Variants in KRT79 observed in about 807,000 individuals in gnomAD.
KRT79 encodes keratin 79.
KRT79 carries 51 observed loss-of-function variants against 49.0 expected under a neutral mutation model. The ratio of observed to expected loss-of-function variants is 1.04; its 90% confidence interval spans 0.83 to 1.31. The LOEUF (loss-of-function observed/expected upper bound fraction) is 1.31, where lower values mean the gene tolerates loss of function less well. Among genes scored for constraint, KRT79 ranks in the 40% most tolerant of loss-of-function variants. The pLI, the probability that KRT79 is intolerant of heterozygous loss-of-function variation, is 0.00. For missense variants in KRT79, 728 were observed against 688.0 expected (o/e 1.06, Z -0.65); for synonymous variants, 312 against 286.6 (o/e 1.09, Z -0.90).
chr12:52,829,661 G>A (rs1360084195), intron 4 of KRT79, among the ~76,000 whole-genome samples: 1 of 152,208 alleles, frequency 6.6e-6, no homozygotes, highest in East Asian at 1.9e-4. Context: ...AGCACTTTGG[G>A]AGGCCAAGGC....
At position 52,821,613 on chromosome 12, in the gene KRT79, C is replaced by CGCAGGATCATT; in HGVS notation, c.*258_*259insAATGATCCTGC. On this transcript the variant is annotated 3_prime_UTR_variant, in exon 9 of 9. Transcript: ENST00000330553. ...AGAAATTCAGCCTCCTCTCGGTGGT[C>CGCAGGATCATT]AAAAGGTCACCCCCAAGTCACCCAA... is the stretch of plus-strand genomic sequence containing the variant. The CGCAGGATCATT allele has an allele frequency of 3.6e-5, 18 of 494,320 alleles. No homozygotes were observed. The highest frequency in any genetic ancestry group is 1.4e-4 in the South Asian group (6 of 43,482). The allele number at this position is 494,320 out of a possible 1,614,324, so 30.6% of individuals were successfully genotyped here.
intron 4 of KRT79, 146 bp downstream of exon 4, chr12:52,829,877 C>T (rs7970710): frequency 0.37 from 251,055 of 685,634 alleles, 47,696 homozygotes; most frequent in Non-Finnish European, 0.4. Context: ...GGTAACACAG[C>T]GAAACTCCGT....
intron 2 of KRT79, 86 bp from the exon 3 acceptor site, chr12:52,830,378 T>C: frequency 1.8e-6 from 2 of 1,123,174 alleles, no homozygotes; most frequent in Non-Finnish European, 2.7e-6. Context: ...GAAGCCCTGA[T>C]GGGTCCCTCA....
chr12:52,821,660 C>CT lies in KRT79; in HGVS notation c.*211dup. The stretch of plus-strand genomic sequence containing the variant: ...CCAAGCACATCACTCAAGCTGGCAA[C>CT]TTTAACCTTCCCTCCCATCCTACTG... On this transcript the variant is annotated 3_prime_UTR_variant, in exon 9 of 9. Coordinates refer to ENST00000330553, the MANE Select transcript of KRT79 (RefSeq NM_175834.3). 1 of 583,764 alleles carries CT rather than the reference C, an allele frequency of 1.7e-6. No homozygotes were observed. Among genetic ancestry groups the CT allele is most frequent in the Non-Finnish European group, 3.0e-6 (1 of 327,966 alleles). The allele number at this position is 583,764 out of a possible 1,614,324, so 36.2% of individuals were successfully genotyped here. A position where few individuals can be genotyped will look rare whatever the true frequency, so the allele number is the denominator to read the frequency against.
At chr12:52,829,678 A>C (rs1047035309) in intron 4 of KRT79, among the ~76,000 whole-genome samples, 2 of 152,218 alleles carry the variant, frequency 1.3e-5, no homozygotes, top group East Asian at 1.9e-4. Flanking sequence ...AGGCGGGTGG[A>C]TCACCTGAGG....
At position 52,823,228 on chromosome 12, in the gene KRT79, C is replaced by G. The variant is rs773329073; in HGVS notation, c.1155G>C (p.Gln385His). 1.2e-6 allele frequency: 2 copies of G among 1,614,082 alleles called. No homozygotes were observed. Among genetic ancestry groups the G allele is most frequent in the Admixed American group, 3.3e-5 (2 of 60,012 alleles). Residue 385 changes from glutamine to histidine, a missense_variant, in exon 7 of 9, where the codon CAG (glutamine) becomes CAC (histidine). By Grantham distance (24) the Gln-to-His change is conservative. Transcript: ENST00000330553. ...CCGCTTCCGCAATGGCCGTCTGCAGCTGCTGACACTGCCCAGGGGAGAAAG... is the reference window on the plus strand; with the variant it reads ...CCGCTTCCGCAATGGCCGTCTGCAGGTGCTGACACTGCCCAGGGGAGAAAG... ...EADAAKKQCQQLQTAIAEAEQ... is the reference protein window; with the variant it reads ...EADAAKKQCQHLQTAIAEAEQ...
chr12:52,833,964 C>G lies in KRT79; in HGVS notation c.297G>C (p.Gly99=). ...GFGSRAFMGQ[G]AGRQTFGPAC... is the part of the protein sequence containing the mutation. ...CAGGCCCAAACGTCTGCCTGCCAGC[C>G]CCCTGTCCCATAAATGCCCTGCTGC... Residue 99 remains glycine, a synonymous_variant, in exon 1 of 9, where the codon GGG becomes GGC. Coordinates refer to ENST00000330553, the MANE Select transcript of KRT79 (RefSeq NM_175834.3). The G allele has an allele frequency of 1.2e-6, 2 of 1,613,278 alleles. No homozygotes were observed. Among genetic ancestry groups the G allele is most frequent in the Non-Finnish European group, 1.7e-6 (2 of 1,179,510 alleles).
Position 52,823,105 on chromosome 12 carries a change from C to A in KRT79, c.1278G>T (p.Leu426=), listed in dbSNP as rs767441693. 4 of 1,614,198 alleles carry A rather than the reference C, an allele frequency of 2.5e-6. No individual in the cohort carries two copies. Among genetic ancestry groups the A allele is most frequent in the Non-Finnish European group, 3.4e-6 (4 of 1,180,028 alleles). ...HQAKEDLTRL[L]RDYQELMNVK... ...CATTCATCAGCTCCTGGTAGTCACGCAGCAGCCGTGTCAGGTCCTCCTTGG... is the reference window on the plus strand; with the variant it reads ...CATTCATCAGCTCCTGGTAGTCACGAAGCAGCCGTGTCAGGTCCTCCTTGG... The change falls in exon 7 of 9, where the codon CTG becomes CTT. Residue 426 remains leucine (L), a synonymous_variant. Transcript: ENST00000330553.
chr12:52,833,315 C>T (rs982219251), intron 1 of KRT79, among the ~76,000 whole-genome samples: 3 of 152,230 alleles, frequency 2.0e-5, no homozygotes, highest in African/African-American at 7.2e-5. Flanking sequence ...AAGCCTCCTC[C>T]AAGCCTGAAA....
Position 52,830,251 on chromosome 12 carries a change from T to C in KRT79, c.740A>G (p.Glu247Gly), listed in dbSNP as rs543818465. ...EINKHTAAEN[E>G]FVVLKKDVDA... ...GCTCACCTTCTTGAGCACCACAAACTCGTTCTCTGCAGCAGTGTGCTTGTT... is the reference window on the plus strand; with the variant it reads ...GCTCACCTTCTTGAGCACCACAAACCCGTTCTCTGCAGCAGTGTGCTTGTT... Residue 247 changes from glutamate (E) to glycine (G), a missense_variant, in exon 3 of 9, where the codon GAG becomes GGG. Coordinates refer to ENST00000330553, the MANE Select transcript of KRT79 (RefSeq NM_175834.3). 4.3e-5 allele frequency: 70 copies of C among 1,614,068 alleles called. 2 individuals carry two copies. The South Asian group carries it at 7.7e-4, about 18-fold the overall frequency.
At chr12:52,830,566 G>A in intron 2 of KRT79, 2 of 436,554 alleles carry the variant, frequency 4.6e-6, no homozygotes, top group South Asian at 6.0e-5. Context: ...AAGCCCTTAG[G>A]AGGCTTTAGA....
chr12:52,824,595 A>G (rs909516602), intron 4 of KRT79, among the ~76,000 whole-genome samples: 2 of 152,202 alleles, frequency 1.3e-5, no homozygotes, highest in African/African-American at 4.8e-5. Flanking sequence ...CAGGCTTCCA[A>G]AAGATTAGAG....
chr12:52,822,856 T>G (rs905970021), intron 7 of KRT79, among the ~76,000 whole-genome samples, 160 bp downstream of exon 7: 2 of 149,786 alleles, frequency 1.3e-5, no homozygotes, highest in Non-Finnish European at 3.0e-5. Context: ...AGGAGAGGAG[T>G]GATGGAGGCA....
chr12:52,822,507 A>C lies in KRT79; in HGVS notation c.1368-128T>G, dbSNP rs552063646. 16 of 691,020 alleles carry C rather than the reference A, an allele frequency of 2.3e-5. No individual in the cohort carries two copies. The African/African-American group carries it at 2.7e-4, about 12-fold the overall frequency. The allele number at this position is 691,020 out of a possible 1,614,324, so 42.8% of individuals were successfully genotyped here. On this transcript the variant is annotated intron_variant, in intron 7 of 8. Transcript: ENST00000330553. Reference sequence around the variant, plus strand: ...CCTGATGACAAGACCAGGAAACATGAGAAGTATGTGTATAGGGCTGTGCCC... The same window carrying C: ...CCTGATGACAAGACCAGGAAACATGCGAAGTATGTGTATAGGGCTGTGCCC...
chr12:52,821,771 C>T lies in KRT79; in HGVS notation c.*101G>A. The T allele has an allele frequency of 9.6e-7, 1 of 1,044,104 alleles. No homozygotes were observed. The highest frequency in any genetic ancestry group is 1.4e-6 in the Non-Finnish European group (1 of 697,072). 64.7% of individuals were successfully genotyped at this position (1,044,104 alleles called of 1,614,324 possible). A position where few individuals can be genotyped will look rare whatever the true frequency, so the allele number is the denominator to read the frequency against. ...ATGAAAATACCCTGGGTCTGAGGTC[C>T]CCTGGCTGTTCCTGCTCCTGAGAAG... On this transcript the variant is annotated 3_prime_UTR_variant, in exon 9 of 9. Coordinates refer to ENST00000330553, the MANE Select transcript of KRT79 (RefSeq NM_175834.3).
At position 52,834,093 on chromosome 12, in the gene KRT79, G is replaced by T. The variant is rs1474705246; in HGVS notation, c.168C>A (p.Gly56=). The T allele has an allele frequency of 1.2e-6, 2 of 1,613,106 alleles. No individual in the cohort carries two copies. The highest frequency in any genetic ancestry group is 1.7e-6 in the Non-Finnish European group (2 of 1,179,874). ...GGAHCGPGTG[G]FGSRSLYNLG... ...AGTTATAGAGGCTTCGGCTGCCAAA[G>T]CCACCTGTGCCGGGGCCACAGTGGG... is the stretch of plus-strand genomic sequence containing the variant. Residue 56 remains glycine (G), a synonymous_variant, in exon 1 of 9, where the codon GGC becomes GGA. Coordinates refer to ENST00000330553, the MANE Select transcript of KRT79 (RefSeq NM_175834.3).
At chr12:52,831,966 T>C (rs1158082422) in intron 1 of KRT79, among the ~76,000 whole-genome samples, 1 of 152,218 alleles carries the variant, frequency 6.6e-6, no homozygotes, top group African/African-American at 2.4e-5. Context: ...TTCTGACCCC[T>C]AATTCTGCAT....
rs201607310 is a variant in KRT79, at chr12:52,822,059, G to A, written c.1421C>T (p.Thr474Ile). 4.3e-6 allele frequency: 7 copies of A among 1,614,094 alleles called. No individual in the cohort carries two copies. The highest frequency in any genetic ancestry group is 1.1e-5 in the South Asian group (1 of 91,084). ...AVSISVTGNSTTVCGGGAASF... is the reference protein window; with the variant it reads ...AVSISVTGNSITVCGGGAASF... ...GGCTGCGCCACCTCCGCACACAGTG[G>A]TGGAGTTGCCAGTCACAGCTGCAAA... is the stretch of plus-strand genomic sequence containing the variant. The change falls in exon 9 of 9, where the codon ACC (threonine) becomes ATC (isoleucine). Residue 474 changes from threonine to isoleucine, a missense_variant. By Grantham distance (89) the Thr-to-Ile change is moderately conservative. Transcript: ENST00000330553.
At chr12:52,830,963 A>T (rs1242459841) in intron 2 of KRT79, among the ~76,000 whole-genome samples, 2 of 152,206 alleles carry the variant, frequency 1.3e-5, no homozygotes, top group African/African-American at 4.8e-5. Flanking sequence ...CTACATTCAC[A>T]TGCAGATATA....
Sources: gnomAD v4.1 joint callset for allele counts (sites outside exome capture counted in the v4.1 genomes callset) on GRCh38, gnomAD v4.1.1 for gene constraint, MANE v1.5 for transcripts, NCBI Gene and HGNC (gene_info 2026-07-23, HGNC 2026-07-21) for gene names.